Variants in PRKDC observed in about 807,000 individuals in gnomAD.
PRKDC encodes protein kinase, DNA-activated, catalytic subunit.
In PRKDC, 82 loss-of-function variants were observed where a neutral mutation model predicts 486.9. That is an observed-to-expected ratio of 0.17 (90% CI 0.14 to 0.20). The LOEUF (loss-of-function observed/expected upper bound fraction) is 0.20, where lower values mean the gene tolerates loss of function less well. PRKDC is among the 10% of genes least tolerant of loss of function. The probability of loss-of-function intolerance (pLI) is 1.00; values close to 1 mark genes in which losing one functional copy is unlikely to be tolerated. For synonymous variants in PRKDC, 1,895 were observed against 1,837.0 expected, an observed-to-expected ratio of 1.03 and a Z score of -0.81; for missense variants, 4,504 against 5,038.2, an observed-to-expected ratio of 0.89 and a Z score of 3.21.
Position 47,875,036 on chromosome 8 carries a change from G to C in PRKDC, c.5363+2688C>G, listed in dbSNP as rs1589758211. 2.0e-5 allele frequency among the ~76,000 whole-genome samples: 3 copies of C among 152,258 alleles called. No homozygotes were observed. The South Asian group carries it at 6.2e-4, about 32-fold the overall frequency. ...CCACTGCACTCCAGCCTGGATAACA[G>C]AGTGTGACCTTGCATCCAAAAAAAC... On this transcript the variant is annotated intron_variant, in intron 40 of 85. Transcript: ENST00000314191.
intron 74 of PRKDC, among the ~76,000 whole-genome samples, chr8:47,791,466 C>T (rs2086882297): frequency 6.6e-6 from 1 of 152,114 alleles, no homozygotes; most frequent in African/African-American, 2.4e-5. Context: ...CAGAGCAATA[C>T]ACCGCCTCAA....
At chr8:47,783,632 T>C (rs1318028717) in intron 78 of PRKDC, 110 bp downstream of exon 78, 5 of 1,027,186 alleles carry the variant, frequency 4.9e-6, no homozygotes, top group Non-Finnish European at 5.9e-6. Context: ...AAACTTGATA[T>C]ATCTGTGATC....
chr8:47,927,494 G>T (rs555596863), intron 20 of PRKDC, 141 bp from the exon 21 acceptor site: 2 of 1,053,858 alleles, frequency 1.9e-6, no homozygotes, highest in East Asian at 2.6e-5. Flanking sequence ...TTCAGTCCAG[G>T]TAATTAGGAG....
intron 25 of PRKDC, among the ~76,000 whole-genome samples, chr8:47,908,296 C>T (rs961948009): frequency 1.3e-5 from 2 of 152,198 alleles, no homozygotes; most frequent in Non-Finnish European, 2.9e-5. Context: ...CGGCCATTTA[C>T]ATTTCTTCTT....
At chr8:47,914,314 TA>T (rs1298294817) in intron 23 of PRKDC, among the ~76,000 whole-genome samples, 1 of 152,154 alleles carries the variant, frequency 6.6e-6, no homozygotes, top group East Asian at 1.9e-4. Flanking sequence ...CCAAATTCAG[TA>T]AGAGTTACTT....
At chr8:47,812,653 T>C (rs935661927) in intron 68 of PRKDC, among the ~76,000 whole-genome samples, 2 of 151,630 alleles carry the variant, frequency 1.3e-5, no homozygotes, top group African/African-American at 4.8e-5. Context: ...AGAAAAGGTA[T>C]AAAATCAACA....
At chr8:47,936,195 G>A (rs549267354) in intron 12 of PRKDC, among the ~76,000 whole-genome samples, 158 bp downstream of exon 12, 2 of 152,114 alleles carry the variant, frequency 1.3e-5, no homozygotes, top group African/African-American at 2.4e-5. Context: ...ACAAAAAATC[G>A]AGTTTCATGA....
At chr8:47,873,227 CAAAAAA>C (rs60385860) in intron 40 of PRKDC, among the ~76,000 whole-genome samples, 2 of 71,074 alleles carry the variant, frequency 2.8e-5, no homozygotes, top group Admixed American at 1.2e-4. Flanking sequence ...GACTCCATCT[CAAAAAA>C]AAAAAAAAAA....
At chr8:47,847,496 G>A (rs1165817633) in intron 54 of PRKDC, among the ~76,000 whole-genome samples, 1 of 152,150 alleles carries the variant, frequency 6.6e-6, no homozygotes, top group Non-Finnish European at 1.5e-5. Context: ...AAAAAATTAA[G>A]ATGGATTACA....
chr8:47,816,549 G>A (rs2087450684), intron 68 of PRKDC, among the ~76,000 whole-genome samples: 1 of 152,108 alleles, frequency 6.6e-6, no homozygotes, highest in Non-Finnish European at 1.5e-5. Context: ...GTTCATCACT[G>A]AACAGTAGTT....
intron 25 of PRKDC, among the ~76,000 whole-genome samples, chr8:47,908,643 A>G (rs1303330854): frequency 6.6e-6 from 1 of 152,192 alleles, no homozygotes; most frequent in Non-Finnish European, 1.5e-5. Context: ...AAGATGTGTT[A>G]TTATAAAGAC....
At chr8:47,919,656 C>G (rs2090042246) in intron 21 of PRKDC, among the ~76,000 whole-genome samples, 1 of 150,824 alleles carries the variant, frequency 6.6e-6, no homozygotes, top group Non-Finnish European at 1.5e-5. Context: ...CTTTTCCTTT[C>G]TATAAGATGT....
intron 35 of PRKDC, among the ~76,000 whole-genome samples, chr8:47,887,150 G>A (rs1247994254): frequency 6.6e-6 from 1 of 152,154 alleles, no homozygotes; most frequent in Non-Finnish European, 1.5e-5. Context: ...GGTTCAAAGA[G>A]CCATGAGAAT....
At chr8:47,939,400 T>G (rs1043839422) in intron 11 of PRKDC, 151 bp downstream of exon 11, 2 of 813,598 alleles carry the variant, frequency 2.5e-6, no homozygotes, top group Non-Finnish European at 3.8e-6. Context: ...AACATCTGCA[T>G]GTAAGTGAGC....
intron 38 of PRKDC, among the ~76,000 whole-genome samples, 188 bp from the exon 39 acceptor site, chr8:47,879,846 T>TC (rs2089172809): frequency 6.9e-6 from 1 of 144,148 alleles, no homozygotes; most frequent in Non-Finnish European, 1.5e-5. Flanking sequence ...TTTTTTTTTT[T>TC]TTTTTTTTTT....
intron 63 of PRKDC, 63 bp from the exon 64 acceptor site, chr8:47,824,059 TAATGA>T: frequency 7.3e-7 from 1 of 1,362,712 alleles, no homozygotes; most frequent in Non-Finnish European, 9.6e-7. Context: ...GTATTTATTC[TAATGA>T]AATGATAGTA....
chr8:47,896,598 G>C (rs2089586829), intron 30 of PRKDC, among the ~76,000 whole-genome samples: 1 of 148,242 alleles, frequency 6.7e-6, no homozygotes, highest in Non-Finnish European at 1.5e-5. Flanking sequence ...AGTGAGCTGA[G>C]ATAGCGCCAC....
At chr8:47,873,933 A>T (rs2089024075) in intron 40 of PRKDC, among the ~76,000 whole-genome samples, 2 of 151,868 alleles carry the variant, frequency 1.3e-5, no homozygotes, top group South Asian at 4.2e-4. Context: ...AATAAATAAG[A>T]TCTAGTATTT....
intron 25 of PRKDC, among the ~76,000 whole-genome samples, chr8:47,905,472 G>C (rs1341101292): frequency 6.6e-6 from 1 of 152,080 alleles, no homozygotes; most frequent in Non-Finnish European, 1.5e-5. Flanking sequence ...TTATTCATTT[G>C]ATCTTGAACG....
Sources: allele counts gnomAD v4.1 joint callset (sites outside exome capture counted in the v4.1 genomes callset), GRCh38; gene constraint gnomAD v4.1.1; transcripts MANE v1.5; gene names NCBI Gene and HGNC (gene_info 2026-07-23, HGNC 2026-07-21).